The following SLC24A3 variants were observed in gnomAD, a reference collection of about 807,000 sequenced individuals.
The protein encoded by SLC24A3 is solute carrier family 24 member 3.
Under a neutral mutation model 75.8 loss-of-function variants are expected in SLC24A3, and 28 were observed. The ratio of observed to expected loss-of-function variants is 0.37; its 90% CI spans 0.27 to 0.51. The LOEUF (loss-of-function observed/expected upper bound fraction) is 0.51. SLC24A3 is among the 20% of genes least tolerant of loss of function. SLC24A3 has a pLI of 0.94. For missense variants in SLC24A3, 663 were observed against 847.8 expected (o/e 0.78, Z 2.71); for synonymous variants, 372 against 334.1 (o/e 1.11, Z -1.24).
At chr20:19,640,807 A>G (rs1354325307) in intron 6 of SLC24A3, among the ~76,000 whole-genome samples, 1 of 152,236 alleles carries the variant, frequency 6.6e-6, no homozygotes, top group Non-Finnish European at 1.5e-5. Flanking sequence ...TTATCACTGA[A>G]CTTTTAAGTT....
intron 2 of SLC24A3, among the ~76,000 whole-genome samples, chr20:19,326,594 T>A (rs565554392): frequency 6.7e-6 from 1 of 149,584 alleles, no homozygotes; most frequent in Non-Finnish European, 1.5e-5. Flanking sequence ...TTTTTTTTTC[T>A]TGAGATAGTG....
intron 3 of SLC24A3, among the ~76,000 whole-genome samples, chr20:19,538,716 A>G (rs2030444695): frequency 1.3e-5 from 2 of 152,206 alleles, no homozygotes; most frequent in Non-Finnish European, 2.9e-5. Flanking sequence ...GCTTGGCACT[A>G]AGTAGTAGAG....
chr20:19,377,332 C>A (rs115297879), intron 2 of SLC24A3, among the ~76,000 whole-genome samples: 1 of 152,012 alleles, frequency 6.6e-6, no homozygotes, highest in Non-Finnish European at 1.5e-5. Flanking sequence ...TAAATGGTGG[C>A]GTGTTCAGAC....
At chr20:19,589,401 C>A (rs1477317980) in intron 6 of SLC24A3, among the ~76,000 whole-genome samples, 1 of 152,182 alleles carries the variant, frequency 6.6e-6, no homozygotes, top group East Asian at 1.9e-4. Context: ...GATATTAATT[C>A]CCCAGCATTC....
chr20:19,470,368 C>A (rs1987849390), intron 2 of SLC24A3, among the ~76,000 whole-genome samples: 1 of 152,076 alleles, frequency 6.6e-6, no homozygotes, highest in Non-Finnish European at 1.5e-5. Context: ...ATTTTAGGGC[C>A]AACTTTTTTT....
intron 9 of SLC24A3, among the ~76,000 whole-genome samples, chr20:19,678,328 G>A (rs2032554679): frequency 7.9e-6 from 1 of 126,028 alleles, no homozygotes; most frequent in Non-Finnish European, 1.7e-5. Context: ...CGGCTGGCCG[G>A]GCGGGGGGCT....
intron 3 of SLC24A3, among the ~76,000 whole-genome samples, chr20:19,567,880 A>T (rs6035379): frequency 6.6e-6 from 1 of 152,126 alleles, no homozygotes; most frequent in Non-Finnish European, 1.5e-5. Flanking sequence ...TGCAAATCGT[A>T]TATCTGATAA....
chr20:19,364,825 C>CTGAGGT (rs1985858272), intron 2 of SLC24A3, among the ~76,000 whole-genome samples: 1 of 152,146 alleles, frequency 6.6e-6, no homozygotes, highest in Non-Finnish European at 1.5e-5. Context: ...CCCACCCAGA[C>CTGAGGT]CTCAGGTTTT....
intron 1 of SLC24A3, among the ~76,000 whole-genome samples, chr20:19,259,051 G>A (rs1392205758): frequency 2.0e-5 from 3 of 152,158 alleles, no homozygotes; most frequent in Non-Finnish European, 4.4e-5. Flanking sequence ...GTGATATCTC[G>A]AGGAAGGATT....
At chr20:19,474,009 A>G (rs2122510270) in intron 2 of SLC24A3, among the ~76,000 whole-genome samples, 1 of 152,342 alleles carries the variant, frequency 6.6e-6, no homozygotes, top group Admixed American at 6.5e-5. Context: ...AGAACAGTGA[A>G]AGTCACTCAA....
At chr20:19,630,162 T>G (rs1382213133) in intron 6 of SLC24A3, among the ~76,000 whole-genome samples, 2 of 152,234 alleles carry the variant, frequency 1.3e-5, no homozygotes, top group African/African-American at 4.8e-5. Flanking sequence ...ATGGCTATTC[T>G]CATAAGAGAT....
chr20:19,540,410 GC>G (rs1391750348), intron 3 of SLC24A3, among the ~76,000 whole-genome samples: 1 of 152,188 alleles, frequency 6.6e-6, no homozygotes, highest in Non-Finnish European at 1.5e-5. Context: ...AGCCCCTGAA[GC>G]CCTCCACACA....
intron 9 of SLC24A3, among the ~76,000 whole-genome samples, chr20:19,678,821 T>C: frequency 7.2e-6 from 1 of 139,514 alleles, no homozygotes; most frequent in African/African-American, 2.7e-5. Flanking sequence ...TCCTCCCTTC[T>C]CAGATGGGGC....
intron 9 of SLC24A3, among the ~76,000 whole-genome samples, chr20:19,678,134 G>A (rs1381989340): frequency 2.0e-5 from 3 of 150,302 alleles, no homozygotes; most frequent in East Asian, 2.0e-4. Context: ...GCAACCATTC[G>A]ATTTCTCAAT....
At chr20:19,423,598 T>C (rs1395776952) in intron 2 of SLC24A3, among the ~76,000 whole-genome samples, 1 of 152,168 alleles carries the variant, frequency 6.6e-6, no homozygotes, top group African/African-American at 2.4e-5. Flanking sequence ...TTATTGGTTT[T>C]CCAGAGCTCC....
chr20:19,705,862 G>T (rs891600602), intron 15 of SLC24A3, among the ~76,000 whole-genome samples: 1 of 152,194 alleles, frequency 6.6e-6, no homozygotes, highest in Non-Finnish European at 1.5e-5. Flanking sequence ...TCTGTGGCTT[G>T]CTCAGAAGGC....
intron 6 of SLC24A3, among the ~76,000 whole-genome samples, chr20:19,587,907 T>C (rs577566067): frequency 1.9e-4 from 29 of 152,292 alleles, no homozygotes; most frequent in African/African-American, 6.7e-4. Flanking sequence ...TACGCATCCC[T>C]GGGGTTCTCA....
intron 15 of SLC24A3, among the ~76,000 whole-genome samples, chr20:19,709,348 G>A (rs1161914164): frequency 1.3e-5 from 2 of 152,146 alleles, no homozygotes; most frequent in African/African-American, 4.8e-5. Flanking sequence ...GGAGATGGGG[G>A]GATGTGGGTG....
chr20:19,316,075 C>A (rs1017065105), intron 2 of SLC24A3, among the ~76,000 whole-genome samples: 1 of 152,180 alleles, frequency 6.6e-6, no homozygotes, highest in Admixed American at 6.5e-5. Context: ...GGCAGCTCAC[C>A]GCAGCTGCCC....
Sources: gnomAD v4.1 joint callset for allele counts (sites outside exome capture counted in the v4.1 genomes callset) on GRCh38, gnomAD v4.1.1 for gene constraint, MANE v1.5 for transcripts, NCBI Gene and HGNC (gene_info 2026-07-23, HGNC 2026-07-21) for gene names.